Variants in NKAIN3 observed in about 807,000 individuals in gnomAD.
NKAIN3 encodes sodium/potassium-transporting ATPase subunit beta-1-interacting protein 3.
NKAIN3 carries 25 observed loss-of-function variants against 30.2 expected under a neutral mutation model. The observed-to-expected ratio is 0.83, with a 90% CI of 0.60 to 1.16. NKAIN3 has a LOEUF of 1.16. Among genes scored for constraint, NKAIN3 ranks in the 50% most tolerant of loss-of-function variants. The probability of loss-of-function intolerance (pLI) is 0.00; values close to 1 mark genes in which losing one functional copy is unlikely to be tolerated. For synonymous variants in NKAIN3, 91 were observed against 89.6 expected (o/e 1.02, Z -0.09); for missense variants, 225 against 254.1 (o/e 0.89, Z 0.78).
intron 4 of NKAIN3, among the ~76,000 whole-genome samples, chr8:62,878,734 T>G (rs1488074422): frequency 6.8e-6 from 1 of 146,590 alleles, no homozygotes; most frequent in Non-Finnish European, 1.5e-5. Context: ...ATTGTTCAAT[T>G]CCCACCTATG....
rs181444225 is a variant in NKAIN3, at chr8:62,788,115, C to T, written c.471+40986C>T. Among the ~76,000 whole-genome samples, 1,052 of 152,176 alleles carry T rather than the reference C, an allele frequency of 6.9e-3. 10 individuals are homozygous for T. Among genetic ancestry groups the T allele is most frequent in the Non-Finnish European group, 0.012 (818 of 68,000 alleles). On this transcript the variant is annotated intron_variant, in intron 4 of 6. Coordinates refer to ENST00000623646, the MANE Select transcript of NKAIN3 (RefSeq NM_001304533.3). ...CTAGATCCCTGAGGAATCGCCACAC[C>T]GACTTCCACAAAGGTTGAACTAGTT...
chr8:62,437,369 G>C (rs1805201667), intron 1 of NKAIN3, among the ~76,000 whole-genome samples: 1 of 152,186 alleles, frequency 6.6e-6, no homozygotes, highest in Non-Finnish European at 1.5e-5. Context: ...ATAGTTAAAT[G>C]AAGTAAAATT....
intron 1 of NKAIN3, among the ~76,000 whole-genome samples, chr8:62,565,641 G>C (rs77281699): frequency 0.014 from 2,112 of 152,200 alleles, 43 homozygotes; most frequent in African/African-American, 0.044. Flanking sequence ...TTAAGAAAAA[G>C]ACTTGAAAGT....
chr8:62,707,320 G>T (rs915576208), intron 3 of NKAIN3, among the ~76,000 whole-genome samples: 2 of 152,054 alleles, frequency 1.3e-5, no homozygotes, highest in Admixed American at 1.3e-4. Flanking sequence ...TTCCATAGAG[G>T]CTGTACTAGT....
At chr8:62,873,235 CAAGG>C (rs1307519112) in intron 4 of NKAIN3, among the ~76,000 whole-genome samples, 2 of 151,932 alleles carry the variant, frequency 1.3e-5, no homozygotes, top group African/African-American at 4.8e-5. Context: ...ACAAAAAAGA[CAAGG>C]AAGGGCATTA....
At chr8:62,731,949 G>A (rs1160658837) in intron 3 of NKAIN3, among the ~76,000 whole-genome samples, 2 of 151,372 alleles carry the variant, frequency 1.3e-5, no homozygotes, top group South Asian at 2.1e-4. Context: ...GGAGGTTTGA[G>A]ATTTCATTTT....
intron 1 of NKAIN3, among the ~76,000 whole-genome samples, chr8:62,550,042 G>A (rs1809148165): frequency 6.6e-6 from 1 of 151,332 alleles, no homozygotes; most frequent in African/African-American, 2.4e-5. Flanking sequence ...AACTAGTTAT[G>A]GAGACCAAGT....
At chr8:62,260,270 G>A (rs956333202) in intron 1 of NKAIN3, among the ~76,000 whole-genome samples, 2 of 151,826 alleles carry the variant, frequency 1.3e-5, no homozygotes, top group South Asian at 4.2e-4. Flanking sequence ...TGGTTTAATT[G>A]GTTAATTAAG....
chr8:62,799,362 A>G (rs994058868), intron 4 of NKAIN3, among the ~76,000 whole-genome samples: 1 of 152,190 alleles, frequency 6.6e-6, no homozygotes, highest in African/African-American at 2.4e-5. Flanking sequence ...AAAACAAACA[A>G]TTGCATCAAA....
At chr8:62,654,309 A>C (rs903814262) in intron 3 of NKAIN3, among the ~76,000 whole-genome samples, 1 of 152,082 alleles carries the variant, frequency 6.6e-6, no homozygotes, top group Admixed American at 6.6e-5. Flanking sequence ...AAAGATAAAA[A>C]AGTTAAAAGA....
At chr8:62,401,035 C>CTCTCTCTCTCTCTCTT (rs1351878985) in intron 1 of NKAIN3, among the ~76,000 whole-genome samples, 1 of 151,850 alleles carries the variant, frequency 6.6e-6, no homozygotes, top group Non-Finnish European at 1.5e-5. Context: ...CTCTCTCTCT[C>CTCTCTCTCTCTCTCTT]TCTACATCCT....
chr8:62,407,523 G>C (rs932655896), intron 1 of NKAIN3, among the ~76,000 whole-genome samples: 1 of 150,394 alleles, frequency 6.6e-6, no homozygotes, highest in Non-Finnish European at 1.5e-5. Flanking sequence ...TCAGTCTGTG[G>C]AGTAGCTGGG....
intron 3 of NKAIN3, among the ~76,000 whole-genome samples, chr8:62,716,609 T>C (rs557495134): frequency 7.6e-4 from 116 of 152,168 alleles, no homozygotes; most frequent in Non-Finnish European, 1.3e-3. Flanking sequence ...CTTTTTGTTC[T>C]TTATTTTTAA....
intron 1 of NKAIN3, among the ~76,000 whole-genome samples, chr8:62,412,922 CA>C (rs1554528190): frequency 2.0e-3 from 161 of 79,526 alleles, no homozygotes; most frequent in African/African-American, 2.5e-3. Flanking sequence ...AAAAAAAAAA[CA>C]AAAAAAAAAA....
At chr8:62,761,836 G>A (rs541158732) in intron 4 of NKAIN3, among the ~76,000 whole-genome samples, 2 of 152,186 alleles carry the variant, frequency 1.3e-5, no homozygotes, top group African/African-American at 4.8e-5. Context: ...AATAAATATC[G>A]GTATGTGTTA....
chr8:62,365,273 C>T (rs1466333672), intron 1 of NKAIN3, among the ~76,000 whole-genome samples: 2 of 152,244 alleles, frequency 1.3e-5, no homozygotes, highest in East Asian at 3.9e-4. Context: ...TTCATTCTCT[C>T]CTGTCTTCCA....
At chr8:62,988,598 G>A (rs1240495749), downstream of NKAIN3, among the ~76,000 whole-genome samples, 1 of 152,242 alleles carries the variant, frequency 6.6e-6, no homozygotes, top group Non-Finnish European at 1.5e-5. Context: ...CAAGGCTGGA[G>A]CTGCTGGTAG....
chr8:62,419,410 G>A (rs2123037), intron 1 of NKAIN3, among the ~76,000 whole-genome samples: 20,941 of 152,100 alleles, frequency 0.14, 1,730 homozygotes, highest in East Asian at 0.4. Flanking sequence ...CTCCCACCCA[G>A]GAAAGAACTC....
At position 62,665,275 on chromosome 8, in the gene NKAIN3, C is replaced by T. The variant is rs867271897; in HGVS notation, c.273+75481C>T. Among the ~76,000 whole-genome samples the T allele has an allele frequency of 3.3e-5, 5 of 152,082 alleles. No individual in the cohort carries two copies. In the South Asian group the frequency reaches 1.0e-3, roughly 32 times the overall value. On this transcript the variant is annotated intron_variant, in intron 3 of 6. Transcript: ENST00000623646. ...CTAAGAGACTCTTGGTCAAATTTCC[C>T]TTCTATCAGTCTGAAGCCCTTTCAT... is the stretch of plus-strand genomic sequence containing the variant.
Sources: gnomAD v4.1 joint callset for allele counts (sites outside exome capture counted in the v4.1 genomes callset) on GRCh38, gnomAD v4.1.1 for gene constraint, MANE v1.5 for transcripts, NCBI Gene and HGNC (gene_info 2026-07-23, HGNC 2026-07-21) for gene names.